The following NPC1 variants were observed in gnomAD, a reference collection of about 807,000 sequenced individuals.
NPC1 encodes the protein Niemann-Pick C1 protein.
In NPC1, 85 loss-of-function variants were observed where a neutral mutation model predicts 140.4. That is an observed-to-expected ratio of 0.61 (90% CI 0.51 to 0.72). NPC1 has a LOEUF of 0.72. Ranked by LOEUF, NPC1 falls within the 30% of genes least tolerant of loss-of-function variation. The pLI is 0.00. For missense variants in NPC1, 1,504 were observed against 1,623.8 expected, an observed-to-expected ratio of 0.93 and a Z score of 1.27; for synonymous variants, 656 against 624.8, an observed-to-expected ratio of 1.05 and a Z score of -0.74.
chr18:23,574,701 A>G (rs560930793), intron 1 of NPC1, among the ~76,000 whole-genome samples: 2 of 152,324 alleles, frequency 1.3e-5, no homozygotes, highest in Non-Finnish European at 2.9e-5. Context: ...TTCTAAAATA[A>G]AAATTAGGAC....
intron 4 of NPC1, among the ~76,000 whole-genome samples, chr18:23,565,839 C>T (rs1249710486): frequency 1.3e-5 from 2 of 152,018 alleles, no homozygotes; most frequent in Non-Finnish European, 2.9e-5. Flanking sequence ...CTGGAAAATC[C>T]TCATTATCCC....
chr18:23,519,221 C>CTTG (rs2058084825), downstream of NPC1: 1 of 1,562,174 alleles, frequency 6.4e-7, no homozygotes, highest in South Asian at 1.1e-5. Flanking sequence ...GCTTAAAAGC[C>CTTG]TTGTGAAAAT....
At chr18:23,529,795 T>TA (rs2058434659), downstream of NPC1, 3 of 1,368,102 alleles carry the variant, frequency 2.2e-6, no homozygotes, top group Admixed American at 1.8e-5. Flanking sequence ...AGATGACTCA[T>TA]ATGCTAAGAC....
Position 23,557,127 on chromosome 18 carries a change from T to C in NPC1, c.945A>G (p.Ala315=), listed in dbSNP as rs2058965361. 2 of 1,612,852 alleles carry C rather than the reference T, an allele frequency of 1.2e-6. No individual in the cohort carries two copies. The highest frequency in any genetic ancestry group is 1.3e-5 in the African/African-American group (1 of 74,932). The part of the protein sequence containing the change: ...IDSNIAFSVN[A]SDKGEASCCD... ...GACAAATATGCCTACCTTTGTCACTTGCATTAACAGAAAAAGCTATATTGC... is the reference window on the plus strand; with the variant it reads ...GACAAATATGCCTACCTTTGTCACTCGCATTAACAGAAAAAGCTATATTGC... Residue 315 remains alanine (A), a synonymous_variant, in exon 7 of 25, where the codon GCA becomes GCG. Transcript: ENST00000269228.
downstream of NPC1, among the ~76,000 whole-genome samples, chr18:23,518,008 G>A (rs954482840): frequency 5.9e-5 from 9 of 152,198 alleles, no homozygotes; most frequent in Non-Finnish European, 1.2e-4. Context: ...ATGAGCCGCC[G>A]TGCCCAGCCA....
chr18:23,546,735 G>C (rs2058795422), intron 11 of NPC1, among the ~76,000 whole-genome samples: 1 of 152,162 alleles, frequency 6.6e-6, no homozygotes, highest in Non-Finnish European at 1.5e-5. Context: ...TTCAATGATA[G>C]CCAGACAAAA....
Position 23,532,222 on chromosome 18 carries a change from C to T in NPC1, c.3817G>A (p.Glu1273Lys), listed in dbSNP as rs969680897. 25 of 1,614,028 alleles carry T rather than the reference C, an allele frequency of 1.5e-5. No homozygotes were observed. Among genetic ancestry groups the T allele is most frequent in the East Asian group, 4.5e-5 (2 of 44,890 alleles). The change falls in exon 25 of 25, where the codon GAA becomes AAA. Residue 1273 changes from glutamate to lysine, a missense_variant. Coordinates refer to ENST00000269228, the MANE Select transcript of NPC1 (RefSeq NM_000271.5). ...GAGGGCTAGAAATTTAGAAGCCGTT[C>T]GCGCTCTGTTCCTTTGTATCGCTCT... ...TEERYKGTERERLLNF is the reference protein window; with the variant it reads ...TEERYKGTERKRLLNF
intron 4 of NPC1, among the ~76,000 whole-genome samples, chr18:23,567,560 T>A (rs2059143421): frequency 6.6e-6 from 1 of 152,188 alleles, no homozygotes; most frequent in Non-Finnish European, 1.5e-5. Context: ...CTTTTGCAAA[T>A]ACTTTCTCCC....
At chr18:23,519,427 A>G (rs1224126580), downstream of NPC1, among the ~76,000 whole-genome samples, 2 of 151,926 alleles carry the variant, frequency 1.3e-5, no homozygotes, top group African/African-American at 4.8e-5. Context: ...CTAAGGCTGG[A>G]GGATGGCTTG....
chr18:23,586,378 G>C lies in NPC1; in HGVS notation c.-35C>G. 3 of 1,530,936 alleles carry C rather than the reference G, an allele frequency of 2.0e-6. No individual in the cohort carries two copies. Among genetic ancestry groups the C allele is most frequent in the Non-Finnish European group, 2.6e-6 (3 of 1,145,128 alleles). 94.8% of individuals were successfully genotyped at this position (1,530,936 alleles called of 1,614,324 possible). On this transcript the variant is annotated 5_prime_UTR_variant, in exon 1 of 25. Transcript: ENST00000269228. ...GCGCAAGGCTGCTGACGCCGGCGGC[G>C]TTCGGCTGGTTGGGCTCCCCGGAGG...
At chr18:23,565,819 C>T (rs991113823) in intron 4 of NPC1, among the ~76,000 whole-genome samples, 6 of 152,194 alleles carry the variant, frequency 3.9e-5, no homozygotes, top group African/African-American at 1.4e-4. Flanking sequence ...GGGTTCATCC[C>T]TTATCCACTC....
rs1182195832 is a variant in NPC1 at position 23,538,689 on chromosome 18, G to A, written c.2912-18C>T. 1.2e-6 allele frequency: 2 copies of A among 1,613,674 alleles called. No individual in the cohort carries two copies. Among genetic ancestry groups the A allele is most frequent in the Admixed American group, 1.7e-5 (1 of 60,030 alleles). On this transcript the variant is annotated intron_variant, in intron 19 of 24. Coordinates refer to ENST00000269228, the MANE Select transcript of NPC1 (RefSeq NM_000271.5). ...GTCAACCACTGGCGGAGACATGCAG[G>A]GAGGACTGTTAGAAGAATAGGTCTC... is the stretch of plus-strand genomic sequence containing the variant.
intron 1 of NPC1, among the ~76,000 whole-genome samples, chr18:23,578,930 G>A (rs2059325055): frequency 6.6e-6 from 1 of 152,260 alleles, no homozygotes; most frequent in African/African-American, 2.4e-5. Flanking sequence ...GGACCCGGCA[G>A]TGTCTCTGGT....
At chr18:23,568,396 GCTAT>G (rs2059156172) in intron 4 of NPC1, among the ~76,000 whole-genome samples, 1 of 152,132 alleles carries the variant, frequency 6.6e-6, no homozygotes, top group Non-Finnish European at 1.5e-5. Flanking sequence ...GATCATTTCT[GCTAT>G]CTGTTAGACC....
chr18:23,513,729 A>T (rs1325857927), intron 3 of NPC1, among the ~76,000 whole-genome samples: 1 of 151,978 alleles, frequency 6.6e-6, no homozygotes, highest in African/African-American at 2.4e-5. Context: ...TTTGTTTTTG[A>T]TACTAGCCAT....
downstream of NPC1, among the ~76,000 whole-genome samples, chr18:23,517,933 G>C (rs1598875012): frequency 1.3e-5 from 2 of 152,222 alleles, no homozygotes; most frequent in Middle Eastern, 3.4e-3. Context: ...GCCCAGGCTG[G>C]TCTTGAACTC....
At position 23,531,920 on chromosome 18, in the gene NPC1, C is replaced by G; in HGVS notation, c.*282G>C. The G allele has an allele frequency of 6.9e-7, 1 of 1,442,712 alleles. No individual in the cohort carries two copies. Among genetic ancestry groups the G allele is most frequent in the Non-Finnish European group, 9.0e-7 (1 of 1,105,928 alleles). 89.4% of individuals were successfully genotyped at this position (1,442,712 alleles called of 1,614,324 possible). Reference sequence around the variant, plus strand: ...AGTGTCAGTGAGCGGATCACATTCACAGCCATCTAGTGTCACCTCCTGCTT... The same window carrying G: ...AGTGTCAGTGAGCGGATCACATTCAGAGCCATCTAGTGTCACCTCCTGCTT... On this transcript the variant is annotated 3_prime_UTR_variant, in exon 25 of 25. Transcript: ENST00000269228.
chr18:23,561,680 G>A (rs1045051605), intron 4 of NPC1, among the ~76,000 whole-genome samples, 153 bp from the exon 5 acceptor site: 13 of 152,212 alleles, frequency 8.5e-5, no homozygotes, highest in Admixed American at 7.9e-4. Flanking sequence ...GGCACGAACA[G>A]AGATTCCCTT....
At chr18:23,519,845 C>T (rs1263375703), downstream of NPC1, among the ~76,000 whole-genome samples, 4 of 151,952 alleles carry the variant, frequency 2.6e-5, no homozygotes, top group Non-Finnish European at 5.9e-5. Context: ...TGGGCTGGGC[C>T]TCTGATATAA....
Sources: gnomAD v4.1 joint callset for allele counts (sites outside exome capture counted in the v4.1 genomes callset) on GRCh38, gnomAD v4.1.1 for gene constraint, MANE v1.5 for transcripts, NCBI Gene and HGNC (gene_info 2026-07-23, HGNC 2026-07-21) for gene names.